LPAR3: variants seen among roughly 807,000 people sequenced by gnomAD.
LPAR3 encodes the protein LPA receptor 3.
LPAR3 carries 7 observed loss-of-function variants against 17.8 expected under a neutral mutation model. The observed-to-expected ratio is 0.39, with a 90% CI of 0.22 to 0.74. The LOEUF (loss-of-function observed/expected upper bound fraction) is 0.74, where lower values mean the gene tolerates loss of function less well. Among genes scored for constraint, LPAR3 ranks in the 30% least tolerant of loss-of-function variants. The probability of loss-of-function intolerance (pLI) is 0.40; values close to 1 mark genes in which losing one functional copy is unlikely to be tolerated. For missense variants in LPAR3, 391 were observed against 453.4 expected, an observed-to-expected ratio of 0.86 and a Z score of 1.25; for synonymous variants, 179 against 179.9, an observed-to-expected ratio of 0.99 and a Z score of 0.04.
intron 1 of LPAR3, among the ~76,000 whole-genome samples, chr1:84,874,865 G>A (rs1276691745): frequency 6.6e-6 from 1 of 151,368 alleles, no homozygotes; most frequent in Non-Finnish European, 1.5e-5. Context: ...TCACATTTCA[G>A]TAGCTTTACT....
At chr1:84,863,699 C>A (rs1040766283) in intron 2 of LPAR3, among the ~76,000 whole-genome samples, 1 of 152,228 alleles carries the variant, frequency 6.6e-6, no homozygotes, top group Non-Finnish European at 1.5e-5. Flanking sequence ...AGACCTAAAT[C>A]TTGAATTCCT....
intron 2 of LPAR3, among the ~76,000 whole-genome samples, chr1:84,828,615 T>C (rs1388029938): frequency 1.3e-5 from 2 of 152,208 alleles, no homozygotes; most frequent in Non-Finnish European, 2.9e-5. Flanking sequence ...GGTGCGAGCA[T>C]GGACTTGTTT....
chr1:84,886,847 T>C (rs906876372), intron 1 of LPAR3, among the ~76,000 whole-genome samples: 2 of 152,060 alleles, frequency 1.3e-5, no homozygotes, highest in African/African-American at 4.8e-5. Context: ...CAATGAATAA[T>C]AGGGATGTGT....
chr1:84,866,956 C>T (rs367912200), intron 1 of LPAR3, among the ~76,000 whole-genome samples: 2 of 152,252 alleles, frequency 1.3e-5, no homozygotes, highest in East Asian at 1.9e-4. Context: ...GGAGGAGGAT[C>T]GGGCTTCCAC....
At chr1:84,863,276 T>C (rs972497637) in intron 2 of LPAR3, among the ~76,000 whole-genome samples, 16 of 152,180 alleles carry the variant, frequency 1.1e-4, no homozygotes, top group African/African-American at 3.9e-4. Context: ...GGTTTCACCA[T>C]GTTGCCCAGG....
chr1:84,879,869 C>T (rs1570905694), intron 1 of LPAR3, among the ~76,000 whole-genome samples: 1 of 152,202 alleles, frequency 6.6e-6, no homozygotes, highest in Non-Finnish European at 1.5e-5. Flanking sequence ...ACTTTGAACA[C>T]CCAGCAGGGA....
chr1:84,817,077 C>T (rs1334706006), intron 2 of LPAR3, among the ~76,000 whole-genome samples: 1 of 152,092 alleles, frequency 6.6e-6, no homozygotes, highest in Non-Finnish European at 1.5e-5. Context: ...TTTGTTAATG[C>T]TGAGAATTTT....
chr1:84,820,061 C>T (rs4907007), intron 2 of LPAR3, among the ~76,000 whole-genome samples: 55,643 of 151,984 alleles, frequency 0.37, 10,372 homozygotes, highest in East Asian at 0.55. Flanking sequence ...AAAGTTGCTA[C>T]TTTTATTATT....
chr1:84,877,429 T>C (rs1660279986), intron 1 of LPAR3, among the ~76,000 whole-genome samples: 1 of 152,162 alleles, frequency 6.6e-6, no homozygotes, highest in African/African-American at 2.4e-5. Context: ...TCTGGGGACA[T>C]AAGTCAGACA....
chr1:84,893,203 A>G lies in LPAR3; in HGVS notation c.-206T>C, dbSNP rs1187158465. The G allele has an allele frequency of 6.6e-6, 1 of 152,008 alleles. No individual in the cohort carries two copies. Among genetic ancestry groups the G allele is most frequent in the African/African-American group, 2.4e-5 (1 of 41,410 alleles). 9.4% of individuals were successfully genotyped at this position (152,008 alleles called of 1,614,324 possible). ...GACCCCTGCGACGCGTCCAGAGCCA[A>G]AGGAAAGTTTGGCGGTGCGAGGGAG... On this transcript the variant is annotated 5_prime_UTR_variant, in exon 1 of 3. Transcript: ENST00000370611.
At chr1:84,840,950 G>A (rs1659493260) in intron 2 of LPAR3, among the ~76,000 whole-genome samples, 1 of 152,164 alleles carries the variant, frequency 6.6e-6, no homozygotes, top group Non-Finnish European at 1.5e-5. Context: ...AGAAGATACA[G>A]AAACACAGAA....
intron 2 of LPAR3, among the ~76,000 whole-genome samples, chr1:84,826,235 TAC>T (rs1249300494): frequency 1.3e-5 from 2 of 151,872 alleles, no homozygotes; most frequent in African/African-American, 4.8e-5. Flanking sequence ...ATCTGATTTT[TAC>T]AGATAGTCTG....
At chr1:84,864,971 C>A (rs1660010573) in intron 2 of LPAR3, among the ~76,000 whole-genome samples, 1 of 152,008 alleles carries the variant, frequency 6.6e-6, no homozygotes, top group Non-Finnish European at 1.5e-5. Context: ...TACCGCTTCT[C>A]CCACCTGGAA....
chr1:84,841,682 G>A (rs966195086), intron 2 of LPAR3, among the ~76,000 whole-genome samples: 4 of 152,176 alleles, frequency 2.6e-5, no homozygotes, highest in East Asian at 1.9e-4. Context: ...TCAAACTCCC[G>A]TGTGTGGCTA....
intron 1 of LPAR3, among the ~76,000 whole-genome samples, chr1:84,875,992 T>C (rs1660249272): frequency 6.6e-6 from 1 of 152,170 alleles, no homozygotes; most frequent in African/African-American, 2.4e-5. Context: ...CCTCAAACTC[T>C]ACATAGGAAG....
chr1:84,816,031 G>A (rs775484801), intron 2 of LPAR3, among the ~76,000 whole-genome samples: 4 of 152,134 alleles, frequency 2.6e-5, no homozygotes, highest in South Asian at 2.1e-4. Context: ...ATGTCATTGC[G>A]CTGGGCTCAG....
At chr1:84,834,867 C>T (rs1201313780) in intron 2 of LPAR3, among the ~76,000 whole-genome samples, 1 of 152,198 alleles carries the variant, frequency 6.6e-6, no homozygotes, top group Non-Finnish European at 1.5e-5. Context: ...CTACTTAACA[C>T]TTCCCACAAG....
intron 1 of LPAR3, among the ~76,000 whole-genome samples, chr1:84,888,290 T>C (rs1283295663): frequency 6.6e-6 from 1 of 152,080 alleles, no homozygotes; most frequent in Non-Finnish European, 1.5e-5. Flanking sequence ...TATTTTCTCT[T>C]CACCAGACCC....
intron 2 of LPAR3, among the ~76,000 whole-genome samples, chr1:84,828,844 T>C (rs915616754): frequency 3.9e-5 from 6 of 152,216 alleles, no homozygotes; most frequent in Non-Finnish European, 7.3e-5. Context: ...GAACACTCCA[T>C]TGATTCCATT....
Sources: gnomAD v4.1 joint callset for allele counts (sites outside exome capture counted in the v4.1 genomes callset) on GRCh38, gnomAD v4.1.1 for gene constraint, MANE v1.5 for transcripts, NCBI Gene and HGNC (gene_info 2026-07-23, HGNC 2026-07-21) for gene names.